Variants in AUTS2 observed in about 807,000 individuals in gnomAD.
AUTS2 encodes activator of transcription and developmental regulator AUTS2, also known as autism susceptibility gene 2 protein.
A neutral mutation model predicts 112.4 loss-of-function variants in AUTS2; 17 were observed. That is an observed-to-expected ratio of 0.15 (90% CI 0.10 to 0.23). The LOEUF (loss-of-function observed/expected upper bound fraction) is 0.23. AUTS2 is among the 10% of genes least tolerant of loss of function. AUTS2 has a pLI of 1.00. For synonymous variants in AUTS2, 751 were observed against 702.7 expected, an observed-to-expected ratio of 1.07 and a Z score of -1.09; for missense variants, 1,510 against 1,701.6, an observed-to-expected ratio of 0.89 and a Z score of 1.98.
chr7:70,535,654 A>G (rs929752906), intron 5 of AUTS2, among the ~76,000 whole-genome samples: 3 of 152,100 alleles, frequency 2.0e-5, no homozygotes, highest in South Asian at 2.1e-4. Flanking sequence ...ACCTCAGGTG[A>G]TCCACCCGCC....
At chr7:70,313,558 T>C (rs1292240222) in intron 4 of AUTS2, among the ~76,000 whole-genome samples, 1 of 152,218 alleles carries the variant, frequency 6.6e-6, no homozygotes, top group African/African-American at 2.4e-5. Flanking sequence ...GAGGGGATGC[T>C]GACATTGGCA....
chr7:70,146,330 G>A (rs1217482390), intron 4 of AUTS2, among the ~76,000 whole-genome samples: 4 of 151,876 alleles, frequency 2.6e-5, no homozygotes, highest in Non-Finnish European at 4.4e-5. Flanking sequence ...TTTCTACTGG[G>A]TGTGATTTTT....
At chr7:70,365,026 T>C (rs1178754416) in intron 4 of AUTS2, among the ~76,000 whole-genome samples, 1 of 152,176 alleles carries the variant, frequency 6.6e-6, no homozygotes, top group Non-Finnish European at 1.5e-5. Flanking sequence ...CATATGTAAA[T>C]GGAGAAAGGT....
chr7:70,627,862 T>C (rs1223335923), intron 5 of AUTS2, among the ~76,000 whole-genome samples: 1 of 152,170 alleles, frequency 6.6e-6, no homozygotes, highest in Non-Finnish European at 1.5e-5. Context: ...ATAAACGTGG[T>C]CAGGATGTCA....
chr7:70,458,030 G>GC (rs35076400), intron 5 of AUTS2, among the ~76,000 whole-genome samples: 19,564 of 152,072 alleles, frequency 0.13, 1,292 homozygotes, highest in Middle Eastern at 0.17. Flanking sequence ...TGAACACAAA[G>GC]CCCCACAACC....
Position 70,725,239 on chromosome 7 carries a change from C to T in AUTS2, c.742+26619C>T, listed in dbSNP as rs192003211. ...TACCCTTTTCCTCTCGGGTAAATGT[C>T]GGAAGTGAGTGCCCTGGCTGAACAT... On this transcript the variant is annotated intron_variant, in intron 6 of 18. Coordinates refer to ENST00000342771, the MANE Select transcript of AUTS2 (RefSeq NM_015570.4). 3.9e-5 allele frequency among the ~76,000 whole-genome samples: 6 copies of T among 152,144 alleles called. 1 individual carries two copies. The highest frequency in any genetic ancestry group is 2.9e-5 in the Non-Finnish European group (2 of 68,014).
At chr7:70,081,005 G>A (rs767841533) in intron 2 of AUTS2, among the ~76,000 whole-genome samples, 28 of 152,082 alleles carry the variant, frequency 1.8e-4, no homozygotes, top group Non-Finnish European at 3.4e-4. Flanking sequence ...CACAAAGCAG[G>A]CAATTTAGTT....
intron 2 of AUTS2, among the ~76,000 whole-genome samples, chr7:69,994,454 T>G (rs1798862408): frequency 6.6e-6 from 1 of 152,218 alleles, no homozygotes; most frequent in African/African-American, 2.4e-5. Flanking sequence ...TGGTTGGAGG[T>G]TTAGAGAAGG....
intron 2 of AUTS2, among the ~76,000 whole-genome samples, chr7:70,100,585 C>G (rs370709217): frequency 4.6e-5 from 7 of 151,962 alleles, no homozygotes; most frequent in African/African-American, 1.7e-4. Flanking sequence ...CCCAGCCCCC[C>G]ACCCCACAAT....
intron 5 of AUTS2, among the ~76,000 whole-genome samples, chr7:70,527,377 A>G (rs1437678522): frequency 5.9e-5 from 9 of 152,154 alleles, no homozygotes; most frequent in Admixed American, 3.9e-4. Flanking sequence ...ACCCCTGCCC[A>G]TCTTCTCAGT....
intron 4 of AUTS2, among the ~76,000 whole-genome samples, chr7:70,350,688 G>A (rs187069808): frequency 6.6e-6 from 1 of 152,190 alleles, no homozygotes; most frequent in Non-Finnish European, 1.5e-5. Context: ...CATATCAACA[G>A]GGAAGCAATT....
intron 4 of AUTS2, among the ~76,000 whole-genome samples, chr7:70,420,207 G>A (rs975365980): frequency 1.3e-5 from 2 of 152,186 alleles, no homozygotes; most frequent in Non-Finnish European, 2.9e-5. Context: ...TCAAGCCAGC[G>A]CTTATAATTC....
chr7:70,499,781 G>A (rs1047012606), intron 5 of AUTS2, among the ~76,000 whole-genome samples: 3 of 152,238 alleles, frequency 2.0e-5, no homozygotes, highest in African/African-American at 7.2e-5. Context: ...AAGCTTTGGT[G>A]TAGAATTGTT....
rs2293501 is a variant in AUTS2 at position 70,786,937 on chromosome 7, G to A, written c.2309-272G>A. The A allele has an allele frequency of 0.69, 359,623 of 520,948 alleles. 126,763 individuals carry two copies. Among genetic ancestry groups the A allele is most frequent in the Non-Finnish European group, 0.74 (216,788 of 291,034 alleles). 32.3% of individuals were successfully genotyped at this position (520,948 alleles called of 1,614,324 possible). ...AGATACGTTGAATTAGGTCATCTCA[G>A]TACCCATTTGGTCCCTTTTCCTTTT... On this transcript the variant is annotated intron_variant, in intron 17 of 18. Transcript: ENST00000342771.
chr7:69,623,381 ATTTTTTTTTTT>A (rs56204810), intron 1 of AUTS2, among the ~76,000 whole-genome samples: 51 of 71,946 alleles, frequency 7.1e-4, no homozygotes, highest in African/African-American at 2.1e-3. Context: ...ACGCCCAGCA[ATTTTTTTTTTT>A]TTTTTTTTTT....
At chr7:70,149,374 G>A (rs1468496114) in intron 4 of AUTS2, among the ~76,000 whole-genome samples, 1 of 151,982 alleles carries the variant, frequency 6.6e-6, no homozygotes, top group Non-Finnish European at 1.5e-5. Context: ...AAAAATGGCA[G>A]CATACACATA....
intron 4 of AUTS2, among the ~76,000 whole-genome samples, chr7:70,411,748 C>A (rs1014064382): frequency 1.3e-5 from 2 of 152,070 alleles, no homozygotes; most frequent in African/African-American, 4.8e-5. Context: ...CTACTATGTG[C>A]TCACAGACCA....
intron 4 of AUTS2, among the ~76,000 whole-genome samples, chr7:70,315,560 G>A (rs1013287986): frequency 6.6e-6 from 1 of 151,908 alleles, no homozygotes; most frequent in Admixed American, 6.6e-5. Flanking sequence ...TCTGTTCCTG[G>A]CCTCCTTCGG....
At chr7:70,000,583 G>A (rs1444858654) in intron 2 of AUTS2, among the ~76,000 whole-genome samples, 1 of 152,092 alleles carries the variant, frequency 6.6e-6, no homozygotes, top group East Asian at 1.9e-4. Flanking sequence ...GGGATTGTTT[G>A]GAATGAAGAG....
Sources: allele counts gnomAD v4.1 joint callset (sites outside exome capture counted in the v4.1 genomes callset), GRCh38; gene constraint gnomAD v4.1.1; transcripts MANE v1.5; gene names NCBI Gene and HGNC (gene_info 2026-07-23, HGNC 2026-07-21).